SLC8A1: variants seen among roughly 807,000 people sequenced by gnomAD.
SLC8A1 encodes solute carrier family 8 member A1.
In SLC8A1, 18 loss-of-function variants were observed where a neutral mutation model predicts 68.3. The observed-to-expected ratio is 0.26, with a 90% CI of 0.18 to 0.39. SLC8A1 has a LOEUF of 0.39. Ranked by LOEUF, SLC8A1 falls within the 10% of genes least tolerant of loss-of-function variation. SLC8A1 has a pLI of 1.00. For missense variants in SLC8A1, 985 were observed against 1,156.7 expected, an observed-to-expected ratio of 0.85 and a Z score of 2.15; for synonymous variants, 475 against 415.5, an observed-to-expected ratio of 1.14 and a Z score of -1.74.
intron 2 of SLC8A1, among the ~76,000 whole-genome samples, chr2:40,340,622 T>C (rs1667394593): frequency 6.6e-6 from 1 of 152,156 alleles, no homozygotes; most frequent in Non-Finnish European, 1.5e-5. Flanking sequence ...CAGTTACCCA[T>C]GCCCTTCCCA....
intron 2 of SLC8A1, among the ~76,000 whole-genome samples, chr2:40,340,442 T>A (rs1667332235): frequency 6.6e-6 from 1 of 152,088 alleles, no homozygotes; most frequent in African/African-American, 2.4e-5. Context: ...GCACCTGTAA[T>A]CCCAGCTACT....
At chr2:40,263,072 G>C (rs573519648) in intron 2 of SLC8A1, among the ~76,000 whole-genome samples, 1 of 152,154 alleles carries the variant, frequency 6.6e-6, no homozygotes, top group African/African-American at 2.4e-5. Context: ...GTCCTTCAGC[G>C]AATGACTTAC....
chr2:40,222,074 C>A (rs893949399), intron 2 of SLC8A1, among the ~76,000 whole-genome samples: 53 of 151,918 alleles, frequency 3.5e-4, no homozygotes, highest in African/African-American at 1.3e-3. Context: ...CAATCCTAAG[C>A]AGAAAGAACA....
At chr2:40,116,160 C>T (rs548529714) in intron 7 of SLC8A1, among the ~76,000 whole-genome samples, 3 of 152,030 alleles carry the variant, frequency 2.0e-5, no homozygotes, top group African/African-American at 7.2e-5. Context: ...GTTAAGATGT[C>T]GGGAGAGATT....
intron 7 of SLC8A1, among the ~76,000 whole-genome samples, chr2:40,117,600 C>G (rs145268477): frequency 6.6e-6 from 1 of 151,650 alleles, no homozygotes; most frequent in Non-Finnish European, 1.5e-5. Flanking sequence ...GTCCTTTCAG[C>G]TACCTTGCAC....
intron 2 of SLC8A1, among the ~76,000 whole-genome samples, chr2:40,379,391 G>T (rs573307233): frequency 4.6e-5 from 7 of 152,138 alleles, no homozygotes; most frequent in Admixed American, 1.3e-4. Flanking sequence ...TTTTTCATAT[G>T]ATTTTTGTTT....
At chr2:40,197,213 A>G (rs917919661) in intron 2 of SLC8A1, among the ~76,000 whole-genome samples, 12 of 152,016 alleles carry the variant, frequency 7.9e-5, no homozygotes, top group African/African-American at 2.9e-4. Context: ...GCATTTCGAT[A>G]GTGATATCCC....
chr2:40,417,870 T>TACACACACACACACACACACACAC lies in SLC8A1; in HGVS notation c.1808+10579_1808+10602dup, dbSNP rs70957174. Reference sequence around the variant, plus strand: ...CAGGCACACTGATAGCTTGGATGGATACACACACACACACACACACACACA... The same window carrying TACACACACACACACACACACACAC: ...CAGGCACACTGATAGCTTGGATGGATACACACACACACACACACACACACACACACACACACACACACACACACA... On this transcript the variant is annotated intron_variant, in intron 2 of 7. Coordinates refer to ENST00000406785, the Ensembl canonical transcript of SLC8A1. Among the ~76,000 whole-genome samples, 996 of 147,224 alleles carry TACACACACACACACACACACACAC rather than the reference T, an allele frequency of 6.8e-3. 6 individuals carry two copies. Among genetic ancestry groups the TACACACACACACACACACACACAC allele is most frequent in the African/African-American group, 0.023 (920 of 39,518 alleles).
In SLC8A1 at chr2:40,327,184, C is replaced by T. The variant is rs137878901; in HGVS notation, c.1808+101289G>A. Among the ~76,000 whole-genome samples, 1,097 of 152,182 alleles carry T rather than the reference C, an allele frequency of 7.2e-3. 21 individuals are homozygous for T. Among genetic ancestry groups the T allele is most frequent in the African/African-American group, 0.025 (1,041 of 41,492 alleles). On this transcript the variant is annotated intron_variant, in intron 2 of 7. Transcript: ENST00000406785. ...TATAATGCACAAATAATTGTATGCC[C>T]TGCTCCTTCTTAAATGATAATTACA...
At chr2:40,113,510 T>C (rs2034836050) in exon 8 of SLC8A1, 1 of 140,674 alleles carries the variant, frequency 7.1e-6, no homozygotes, top group African/African-American at 2.8e-5. Flanking sequence ...TTGCCTTCTC[T>C]TTCAGCATAA....
intron 2 of SLC8A1, among the ~76,000 whole-genome samples, chr2:40,262,016 G>A (rs544302487): frequency 6.6e-6 from 1 of 150,494 alleles, no homozygotes; most frequent in East Asian, 2.0e-4. Flanking sequence ...AGGCCGGAGT[G>A]CAGTGGTGTG....
intron 1 of SLC8A1, among the ~76,000 whole-genome samples, chr2:40,473,808 T>C (rs1361689144): frequency 6.6e-6 from 1 of 152,218 alleles, no homozygotes; most frequent in Non-Finnish European, 1.5e-5. Context: ...GGGGAACTCA[T>C]TTCCTCAAGC....
At chr2:40,448,470 C>T (rs1294026036) in intron 1 of SLC8A1, among the ~76,000 whole-genome samples, 2 of 152,128 alleles carry the variant, frequency 1.3e-5, no homozygotes, top group African/African-American at 4.8e-5. Context: ...TATTTATTTC[C>T]ACTAAATCTC....
intron 6 of SLC8A1, among the ~76,000 whole-genome samples, chr2:40,141,765 A>T (rs11680622): frequency 6.6e-6 from 1 of 152,040 alleles, no homozygotes; most frequent in East Asian, 1.9e-4. Context: ...AGGGCCTTTA[A>T]AAATGTAATT....
chr2:40,321,911 A>T (rs1007018948), intron 2 of SLC8A1, among the ~76,000 whole-genome samples: 6 of 152,216 alleles, frequency 3.9e-5, no homozygotes, highest in African/African-American at 1.4e-4. Context: ...ATCAATTCAC[A>T]AGCATTTATT....
At chr2:40,510,109 A>C (rs1211868616) in intron 1 of SLC8A1, among the ~76,000 whole-genome samples, 1 of 152,134 alleles carries the variant, frequency 6.6e-6, no homozygotes, top group East Asian at 1.9e-4. Context: ...TACAGGCGTG[A>C]GCCACCGTGC....
At chr2:40,249,327 A>G (rs2149015162) in intron 2 of SLC8A1, among the ~76,000 whole-genome samples, 2 of 152,370 alleles carry the variant, frequency 1.3e-5, no homozygotes, top group South Asian at 4.1e-4. Context: ...TTTGAAATAA[A>G]GAGAACAGTG....
At position 40,215,623 on chromosome 2, in the gene SLC8A1, G is replaced by A. The variant is rs188997554; in HGVS notation, c.1809-37768C>T. The stretch of plus-strand genomic sequence containing the variant: ...CTGCAGTCCGCAGTCCGGCCTGGGC[G>A]ACAAAGCGAGACTCCGTCTCAAAAA... On this transcript the variant is annotated intron_variant, in intron 2 of 7. Transcript: ENST00000406785. Among the ~76,000 whole-genome samples the A allele has an allele frequency of 3.5e-3, 471 of 133,970 alleles. 6 individuals carry two copies. Among genetic ancestry groups the A allele is most frequent in the African/African-American group, 0.013 (445 of 34,572 alleles). 87.9% of individuals were successfully genotyped at this position (133,970 alleles called of 152,430 possible).
chr2:40,442,858 T>C (rs1700760582), intron 1 of SLC8A1, among the ~76,000 whole-genome samples: 1 of 152,160 alleles, frequency 6.6e-6, no homozygotes. Context: ...CCAACCCAAA[T>C]GCCCATCAAC....
Sources: allele counts gnomAD v4.1 joint callset (sites outside exome capture counted in the v4.1 genomes callset), GRCh38; gene constraint gnomAD v4.1.1; transcripts MANE v1.5; gene names NCBI Gene and HGNC (gene_info 2026-07-23, HGNC 2026-07-21).